The following PLPPR4 variants were observed in gnomAD, a reference collection of about 807,000 sequenced individuals.
The protein encoded by PLPPR4 is phospholipid phosphatase-related protein type 4.
Under a neutral mutation model 56.6 loss-of-function variants are expected in PLPPR4, and 24 were observed. The ratio of observed to expected loss-of-function variants is 0.42; its 90% CI spans 0.31 to 0.60. The LOEUF (loss-of-function observed/expected upper bound fraction) is 0.60, where lower values mean the gene tolerates loss of function less well. PLPPR4 is among the 20% of genes least tolerant of loss of function. The pLI is 0.13. For missense variants in PLPPR4, 654 were observed against 885.8 expected, an observed-to-expected ratio of 0.74 and a Z score of 3.32; for synonymous variants, 326 against 328.1, an observed-to-expected ratio of 0.99 and a Z score of 0.07.
chr1:99,282,586 G>C (rs1659356700), intron 1 of PLPPR4, among the ~76,000 whole-genome samples: 1 of 152,098 alleles, frequency 6.6e-6, no homozygotes, highest in African/African-American at 2.4e-5. Flanking sequence ...CTAACAGCCA[G>C]TGATCTTTGT....
chr1:99,294,903 G>A (rs1659706408), intron 2 of PLPPR4, among the ~76,000 whole-genome samples: 1 of 152,096 alleles, frequency 6.6e-6, no homozygotes, highest in Non-Finnish European at 1.5e-5. Flanking sequence ...AAGTGAAGGT[G>A]AAATTAACCT....
chr1:99,272,965 A>G (rs1659096513), intron 1 of PLPPR4, among the ~76,000 whole-genome samples: 1 of 152,116 alleles, frequency 6.6e-6, no homozygotes, highest in Non-Finnish European at 1.5e-5. Context: ...TCAGAAGAAA[A>G]AAAAAGGTGA....
Position 99,308,106 on chromosome 1 carries a change from C to A in PLPPR4, c.*1096C>A, listed in dbSNP as rs1268119404. ...TAGCTGGCATAGGTTGCCATCTTAA[C>A]AAGTAATCTAAAAGTCCCATTCGGT... On this transcript the variant is annotated 3_prime_UTR_variant, in exon 7 of 7. Transcript: ENST00000370185. 1.3e-5 allele frequency: 2 copies of A among 152,118 alleles called. No individual in the cohort carries two copies. The highest frequency in any genetic ancestry group is 2.9e-5 in the Non-Finnish European group (2 of 68,022). 9.4% of individuals were successfully genotyped at this position (152,118 alleles called of 1,614,324 possible). A position where few individuals can be genotyped will look rare whatever the true frequency, so the allele number is the denominator to read the frequency against.
At chr1:99,269,115 C>T (rs1438889774) in intron 1 of PLPPR4, among the ~76,000 whole-genome samples, 1 of 152,102 alleles carries the variant, frequency 6.6e-6, no homozygotes, top group Non-Finnish European at 1.5e-5. Flanking sequence ...GTGATGTTCC[C>T]CTCCCTGTGT....
intron 1 of PLPPR4, among the ~76,000 whole-genome samples, chr1:99,271,557 C>T (rs1659060025): frequency 6.6e-6 from 1 of 152,184 alleles, no homozygotes; most frequent in African/African-American, 2.4e-5. Flanking sequence ...CAGAGTTTTT[C>T]TCTACATTCA....
At chr1:99,292,453 C>T (rs559321803) in intron 2 of PLPPR4, among the ~76,000 whole-genome samples, 4 of 152,288 alleles carry the variant, frequency 2.6e-5, no homozygotes, top group African/African-American at 7.2e-5. Flanking sequence ...CTCCCTTCCA[C>T]CAGGCTGACG....
At chr1:99,266,857 G>C (rs78039943) in intron 1 of PLPPR4, among the ~76,000 whole-genome samples, 2 of 152,186 alleles carry the variant, frequency 1.3e-5, no homozygotes, top group African/African-American at 4.8e-5. Context: ...GCACTATCAC[G>C]CTCCTTTGAA....
In PLPPR4 at chr1:99,264,652, C is replaced by T. The variant is rs1658846501; in HGVS notation, c.59C>T (p.Pro20Leu). ...ATCAAGGACAGCGTCACCCTCCTGC[C>T]CTGCTTTTATTTCGTCGAGGTGAGT... ...KVIKDSVTLL[P>L]CFYFVELPIL... Residue 20 changes from proline to leucine, a missense_variant, in exon 1 of 7, where the codon CCC becomes CTC. Physicochemically the swap from Pro to Leu is moderately conservative, Grantham distance 98 (BLOSUM62 -3). Around this residue, in one of 2 missense-constraint regions of PLPPR4, gnomAD observed 186 missense variants for 331.4 expected, o/e 0.56. Coordinates refer to ENST00000370185, the MANE Select transcript of PLPPR4 (RefSeq NM_014839.5). The T allele has an allele frequency of 1.3e-6, 2 of 1,550,628 alleles. No homozygotes were observed. The highest frequency in any genetic ancestry group is 1.7e-6 in the Non-Finnish European group (2 of 1,146,988).
chr1:99,280,663 A>G (rs1659301287), intron 1 of PLPPR4, among the ~76,000 whole-genome samples: 1 of 152,226 alleles, frequency 6.6e-6, no homozygotes, highest in African/African-American at 2.4e-5. Flanking sequence ...TTCTGAGTGG[A>G]GAGCCTGGAG....
chr1:99,295,915 G>A (rs1237027955), intron 2 of PLPPR4, among the ~76,000 whole-genome samples: 1 of 152,144 alleles, frequency 6.6e-6, no homozygotes, highest in Non-Finnish European at 1.5e-5. Context: ...AGATGCTAAG[G>A]GAGCCACATA....
Position 99,305,169 on chromosome 1 carries a change from G to A in PLPPR4, c.823-516G>A, listed in dbSNP as rs532147070. The stretch of plus-strand genomic sequence containing the variant: ...GAACACACAAGGCTGTAGTCAGTGC[G>A]AGTCGTAATAACATATGTCTCCGAC... On this transcript the variant is annotated intron_variant, in intron 6 of 6. Coordinates refer to ENST00000370185, the MANE Select transcript of PLPPR4 (RefSeq NM_014839.5). 1.5e-4 allele frequency among the ~76,000 whole-genome samples: 23 copies of A among 152,170 alleles called. No individual in the cohort carries two copies. The East Asian group carries it at 3.7e-3, about 24-fold the overall frequency.
chr1:99,285,041 G>A (rs1210285868), intron 1 of PLPPR4, among the ~76,000 whole-genome samples: 2 of 152,182 alleles, frequency 1.3e-5, no homozygotes, highest in Non-Finnish European at 2.9e-5. Context: ...AGCTTCATGA[G>A]AAAGGTGATG....
At chr1:99,303,507 GTAGC>G in intron 6 of PLPPR4, among the ~76,000 whole-genome samples, 1 of 152,190 alleles carries the variant, frequency 6.6e-6, no homozygotes. Flanking sequence ...AAAATAAAAG[GTAGC>G]CAGGGAATAC....
At chr1:99,292,887 G>C (rs911512541) in intron 2 of PLPPR4, among the ~76,000 whole-genome samples, 1 of 151,848 alleles carries the variant, frequency 6.6e-6, no homozygotes, top group Non-Finnish European at 1.5e-5. Flanking sequence ...ATTCTATCTC[G>C]AATCTTCCTA....
At chr1:99,264,438 CG>C, upstream of PLPPR4, 1 of 1,472,010 alleles carries the variant, frequency 6.8e-7, no homozygotes, top group Non-Finnish European at 8.9e-7. Context: ...GGGGAGAAGG[CG>C]GGGGCGCTGC....
At chr1:99,305,326 G>A (rs819921) in intron 6 of PLPPR4, among the ~76,000 whole-genome samples, 1 of 151,984 alleles carries the variant, frequency 6.6e-6, no homozygotes, top group African/African-American at 2.4e-5. Context: ...GAGATGTCAC[G>A]CAACAAGAAG....
chr1:99,267,923 A>C (rs1373078501), intron 1 of PLPPR4, among the ~76,000 whole-genome samples: 1 of 152,220 alleles, frequency 6.6e-6, no homozygotes, highest in Non-Finnish European at 1.5e-5. Context: ...TACATCCACC[A>C]TGTTGTTCAA....
At position 99,307,037 on chromosome 1, in the gene PLPPR4, A is replaced by T; in HGVS notation, c.*27A>T. 6.4e-7 allele frequency: 1 copy of T among 1,554,024 alleles called. No individual in the cohort carries two copies. Among genetic ancestry groups the T allele is most frequent in the Non-Finnish European group, 8.6e-7 (1 of 1,156,848 alleles). On this transcript the variant is annotated 3_prime_UTR_variant, in exon 7 of 7. Coordinates refer to ENST00000370185, the MANE Select transcript of PLPPR4 (RefSeq NM_014839.5). ...TGATGTCCATTCCATCATTAGGGCTACTCGCAAAAGACCATATGTTGATTC... is the reference window on the plus strand; with the variant it reads ...TGATGTCCATTCCATCATTAGGGCTTCTCGCAAAAGACCATATGTTGATTC...
In PLPPR4 at chr1:99,296,762, T is replaced by C. The variant is rs958577666; in HGVS notation, c.289T>C (p.Tyr97His). ...ITIMVGEGIL[Y>H]CCLSKRRNGV... ...GATTATGGTAGGAGAAGGAATTCTCTACTGTTGCCTCTCCAAAAGAAGAAA... is the reference window on the plus strand; with the variant it reads ...GATTATGGTAGGAGAAGGAATTCTCCACTGTTGCCTCTCCAAAAGAAGAAA... Residue 97 changes from tyrosine to histidine, a missense_variant, in exon 3 of 7, where the codon TAC (tyrosine) becomes CAC (histidine). Around this residue, in one of 2 missense-constraint regions of PLPPR4, gnomAD observed 186 missense variants for 331.4 expected, o/e 0.56. Coordinates refer to ENST00000370185, the MANE Select transcript of PLPPR4 (RefSeq NM_014839.5). The C allele has an allele frequency of 1.2e-6, 2 of 1,603,908 alleles. No homozygotes were observed. The highest frequency in any genetic ancestry group is 1.3e-5 in the African/African-American group (1 of 74,760).
Sources: gnomAD v4.1 joint callset for allele counts (sites outside exome capture counted in the v4.1 genomes callset) on GRCh38, gnomAD v4.1.1 for gene constraint, gnomAD v4.1.1 regional missense constraint, MANE v1.5 for transcripts, NCBI Gene and HGNC (gene_info 2026-07-23, HGNC 2026-07-21) for gene names.